The following BCAT2 variants were observed in gnomAD, a reference collection of about 807,000 sequenced individuals.
BCAT2 encodes branched chain amino acid transaminase 2.
Under a neutral mutation model 52.9 loss-of-function variants are expected in BCAT2, and 44 were observed. That is an observed-to-expected ratio of 0.83 (90% CI 0.65 to 1.07). The LOEUF (loss-of-function observed/expected upper bound fraction) is 1.07. BCAT2 is among the 50% of genes least tolerant of loss of function. BCAT2 has a pLI of 0.00. For missense variants in BCAT2, 478 were observed against 521.8 expected (o/e 0.92, Z 0.82); for synonymous variants, 215 against 217.1 (o/e 0.99, Z 0.08).
intron 3 of BCAT2, among the ~76,000 whole-genome samples, chr19:48,804,019 A>G (rs977611106): frequency 6.6e-6 from 1 of 152,006 alleles, no homozygotes; most frequent in Non-Finnish European, 1.5e-5. Context: ...ATTAGCCAAT[A>G]GTGGTGCATG....
chr19:48,799,460 G>T lies in BCAT2; in HGVS notation c.695+215C>A. ...CTCCACCCAATGCCTTCCCATCTGTGAGCCTTTTTGTCCATCTGAAAAATA... is the reference window on the plus strand; with the variant it reads ...CTCCACCCAATGCCTTCCCATCTGTTAGCCTTTTTGTCCATCTGAAAAATA... On this transcript the variant is annotated intron_variant, in intron 6 of 10. Transcript: ENST00000316273. This position sits in a 1 kb window ranked among gnomAD's most constrained non-coding sequence, Gnocchi z 5.5. 1 of 615,406 alleles carries T rather than the reference G, an allele frequency of 1.6e-6. No homozygotes were observed. Among genetic ancestry groups the T allele is most frequent in the Non-Finnish European group, 2.6e-6 (1 of 389,136 alleles). The allele number at this position is 615,406 out of a possible 1,614,324, so 38.1% of individuals were successfully genotyped here. A position where few individuals can be genotyped will look rare whatever the true frequency, so the allele number is the denominator to read the frequency against.
chr19:48,796,458 G>A lies in BCAT2; in HGVS notation c.1110C>T (p.Leu370=). Residue 370 remains leucine, a synonymous_variant, in exon 10 of 11, where the codon CTC becomes CTT. Coordinates refer to ENST00000316273, the MANE Select transcript of BCAT2 (RefSeq NM_001190.4). The part of the protein sequence containing the change: ...PTMENGPELI[L]RFQKELKEIQ... ...TCTCCTTCAGCTCCTTCTGGAAGCG[G>A]AGGATCAGCTCAGGCCCATTTTCCA... 1 of 1,614,096 alleles carries A rather than the reference G, an allele frequency of 6.2e-7. No homozygotes were observed. Among genetic ancestry groups the A allele is most frequent in the South Asian group, 1.1e-5 (1 of 91,084 alleles).
chr19:48,796,461 G>A lies in BCAT2; in HGVS notation c.1107C>T (p.Ile369=). Residue 369 remains isoleucine (I), a synonymous_variant, in exon 10 of 11, where the codon ATC becomes ATT. Transcript: ENST00000316273. ...IPTMENGPEL[I]LRFQKELKEI... ...CCTTCAGCTCCTTCTGGAAGCGGAG[G>A]ATCAGCTCAGGCCCATTTTCCATGG... is the stretch of plus-strand genomic sequence containing the variant. 1 of 1,614,080 alleles carries A rather than the reference G, an allele frequency of 6.2e-7. No individual in the cohort carries two copies. The highest frequency in any genetic ancestry group is 2.2e-5 in the East Asian group (1 of 44,880).
Position 48,799,799 on chromosome 19 carries a change from A to AC in BCAT2, c.570dup (p.Phe191ValfsTer60). On this transcript the variant is annotated frameshift_variant, in exon 6 of 11. Coordinates refer to ENST00000316273, the MANE Select transcript of BCAT2 (RefSeq NM_001190.4). LOFTEE classifies it high-confidence loss of function. This position sits in a 1 kb window ranked among gnomAD's most constrained non-coding sequence, Gnocchi z 5.5. ...GCACCCACTGGGCAGAGAATGACGA[A>AC]CAGGAGCGCGCGCGTGGGCTGGCTG... is the stretch of plus-strand genomic sequence containing the variant. The AC allele has an allele frequency of 6.4e-7, 1 of 1,561,908 alleles. No homozygotes were observed.
chr19:48,796,833 C>T, intron 8 of BCAT2, 104 bp downstream of exon 8: 1 of 1,593,706 alleles, frequency 6.3e-7, no homozygotes, highest in Non-Finnish European at 8.6e-7. Context: ...AGAGACAGAC[C>T]CAGGAGAAGG....
chr19:48,807,855 G>A lies in BCAT2; in HGVS notation c.25-781C>T, dbSNP rs1014574418. Reference sequence around the variant, plus strand: ...CTGGGGAGCCACTGCAGTCCTCACTGCATGAGGCTCAGGCGGGTCCTCCCA... The same window carrying A: ...CTGGGGAGCCACTGCAGTCCTCACTACATGAGGCTCAGGCGGGTCCTCCCA... On this transcript the variant is annotated intron_variant, in intron 1 of 10. Transcript: ENST00000316273. The surrounding 1 kb of genome is among the most constrained non-coding windows in gnomAD (Gnocchi z 4.6). 5.1e-6 allele frequency: 5 copies of A among 985,718 alleles called. No homozygotes were observed. Among genetic ancestry groups the A allele is most frequent in the Non-Finnish European group, 4.8e-6 (4 of 830,050 alleles). The allele number at this position is 985,718 out of a possible 1,614,324, so 61.1% of individuals were successfully genotyped here.
rs535255232 is a variant in BCAT2 at position 48,799,306 on chromosome 19, G to C, written c.695+369C>G. Reference sequence around the variant, plus strand: ...GCTTTGGAGGCTCAAACGACTGTGGGAGCTGGGTATGGGGAGCGCAGCCCA... The same window carrying C: ...GCTTTGGAGGCTCAAACGACTGTGGCAGCTGGGTATGGGGAGCGCAGCCCA... On this transcript the variant is annotated intron_variant, in intron 6 of 10. Coordinates refer to ENST00000316273, the MANE Select transcript of BCAT2 (RefSeq NM_001190.4). The surrounding 1 kb of genome is among the most constrained non-coding windows in gnomAD (Gnocchi z 5.5). 1 of 196,834 alleles carries C rather than the reference G, an allele frequency of 5.1e-6. No individual in the cohort carries two copies. Among genetic ancestry groups the C allele is most frequent in the Admixed American group, 6.1e-5 (1 of 16,446 alleles). 12.2% of individuals were successfully genotyped at this position (196,834 alleles called of 1,614,324 possible).
At chr19:48,797,509 G>C (rs1174834966) in intron 6 of BCAT2, 176 bp from the exon 7 acceptor site, 2 of 689,902 alleles carry the variant, frequency 2.9e-6, no homozygotes, top group African/African-American at 3.6e-5. Context: ...ACCCTAAATG[G>C]TTATGTCCCC....
intron 3 of BCAT2, among the ~76,000 whole-genome samples, chr19:48,804,258 A>T (rs1192287629): frequency 6.6e-6 from 1 of 151,910 alleles, no homozygotes; most frequent in Non-Finnish European, 1.5e-5. Context: ...ATAATAAAAA[A>T]TAAGGCCAGG....
At position 48,796,598 on chromosome 19, in the gene BCAT2, G is replaced by T; in HGVS notation, c.1045C>A (p.Arg349=). The T allele has an allele frequency of 1.2e-6, 2 of 1,613,328 alleles. No individual in the cohort carries two copies. Among genetic ancestry groups the T allele is most frequent in the Non-Finnish European group, 8.5e-7 (1 of 1,179,964 alleles). ...CTCACCCTGTCTTTGTACAGGATTC[G>T]GTGCACTGGGCAGACCTGGCAAGCG... ...GTACQVCPVH[R]ILYKDRNLHI... is the part of the protein sequence containing the mutation. Residue 349 remains arginine (R), a synonymous_variant, in exon 9 of 11, where the codon CGA becomes AGA. Coordinates refer to ENST00000316273, the MANE Select transcript of BCAT2 (RefSeq NM_001190.4).
chr19:48,804,609 G>A (rs2034724469), intron 3 of BCAT2, among the ~76,000 whole-genome samples: 2 of 152,094 alleles, frequency 1.3e-5, no homozygotes, highest in African/African-American at 4.8e-5. Context: ...ATCCACACAT[G>A]CCCTGGAGTG....
chr19:48,798,199 C>T (rs1296642513), intron 6 of BCAT2, among the ~76,000 whole-genome samples: 1 of 152,218 alleles, frequency 6.6e-6, no homozygotes, highest in Non-Finnish European at 1.5e-5. Flanking sequence ...GCTACCGCGC[C>T]TGGCTCCAAA....
chr19:48,804,243 C>A (rs1466197620), intron 3 of BCAT2, among the ~76,000 whole-genome samples: 1 of 151,970 alleles, frequency 6.6e-6, no homozygotes, highest in Non-Finnish European at 1.5e-5. Flanking sequence ...CGTATTAGTA[C>A]CACAATAATA....
chr19:48,806,184 T>G (rs1162736342), intron 3 of BCAT2, among the ~76,000 whole-genome samples: 2 of 146,788 alleles, frequency 1.4e-5, no homozygotes, highest in East Asian at 4.1e-4. Flanking sequence ...CCCTCTAAGC[T>G]TCCCTCTATG....
chr19:48,801,698 TCTA>T (rs2034660899), intron 3 of BCAT2, among the ~76,000 whole-genome samples: 1 of 151,676 alleles, frequency 6.6e-6, no homozygotes, highest in South Asian at 2.1e-4. Flanking sequence ...GCTGAAGTGC[TCTA>T]TCTTGGCTCA....
At chr19:48,797,912 G>C (rs958912947) in intron 6 of BCAT2, among the ~76,000 whole-genome samples, 3 of 151,656 alleles carry the variant, frequency 2.0e-5, no homozygotes, top group Non-Finnish European at 4.4e-5. Flanking sequence ...CGCCTCTCGG[G>C]TCCAAGCGAT....
intron 3 of BCAT2, among the ~76,000 whole-genome samples, chr19:48,802,446 T>C (rs967355749): frequency 0.023 from 3,123 of 137,694 alleles, 100 homozygotes; most frequent in African/African-American, 0.082. Flanking sequence ...GATTCCTTTT[T>C]TTTTTTTTTT....
intron 3 of BCAT2, among the ~76,000 whole-genome samples, chr19:48,802,441 C>CTTTTTTT (rs35775607): frequency 1.7e-4 from 15 of 87,034 alleles, no homozygotes; most frequent in African/African-American, 5.0e-4. Context: ...TACTGGATTC[C>CTTTTTTT]TTTTTTTTTT....
chr19:48,795,276 T>A lies in BCAT2; in HGVS notation c.*150A>T, dbSNP rs1568503853. Reference sequence around the variant, plus strand: ...GGGTCGGCCCTTACGGCTTTGGGAGTGTCGCAACCACATGGGGGCGCCAGA... The same window carrying A: ...GGGTCGGCCCTTACGGCTTTGGGAGAGTCGCAACCACATGGGGGCGCCAGA... On this transcript the variant is annotated 3_prime_UTR_variant, in exon 11 of 11. Coordinates refer to ENST00000316273, the MANE Select transcript of BCAT2 (RefSeq NM_001190.4). 4.0e-6 allele frequency: 4 copies of A among 1,008,724 alleles called. No homozygotes were observed. The highest frequency in any genetic ancestry group is 5.9e-6 in the Non-Finnish European group (4 of 675,768). The allele number at this position is 1,008,724 out of a possible 1,614,324, so 62.5% of individuals were successfully genotyped here.
Sources: gnomAD v4.1 joint callset for allele counts (sites outside exome capture counted in the v4.1 genomes callset) on GRCh38, gnomAD v4.1.1 for gene constraint, Gnocchi (gnomAD v3.1) non-coding constraint, MANE v1.5 for transcripts, NCBI Gene and HGNC (gene_info 2026-07-23, HGNC 2026-07-21) for gene names.